The following NAALADL2 variants were observed in gnomAD, a reference collection of about 807,000 sequenced individuals.
NAALADL2 encodes N-acetylated alpha-linked acidic dipeptidase like 2, also known as inactive N-acetylated-alpha-linked acidic dipeptidase-like protein 2.
Under a neutral mutation model 87.2 loss-of-function variants are expected in NAALADL2, and 76 were observed. That is an observed-to-expected ratio of 0.87 (90% confidence interval 0.72 to 1.05). NAALADL2 has a LOEUF of 1.05. Ranked by LOEUF, NAALADL2 falls within the 50% of genes least tolerant of loss-of-function variation. The probability of loss-of-function intolerance (pLI) is 0.00; values close to 1 mark genes in which losing one functional copy is unlikely to be tolerated. For synonymous variants in NAALADL2, 354 were observed against 331.0 expected (o/e 1.07, Z -0.75); for missense variants, 1,089 against 945.8 (o/e 1.15, Z -1.99).
chr3:175,087,105 A>G (rs1719113684), intron 1 of NAALADL2, among the ~76,000 whole-genome samples: 2 of 152,262 alleles, frequency 1.3e-5, no homozygotes, highest in African/African-American at 4.8e-5. Flanking sequence ...ACATAGGTAT[A>G]TTAATGGATG....
intron 5 of NAALADL2, among the ~76,000 whole-genome samples, chr3:175,446,222 C>T (rs1392160223): frequency 7.7e-6 from 1 of 129,508 alleles, no homozygotes; most frequent in African/African-American, 3.0e-5. Context: ...CTGAGGAGTC[C>T]AGGCAATCAT....
At chr3:174,657,345 C>T (rs1213216924) in intron 2 of NAALADL2, among the ~76,000 whole-genome samples, 4 of 151,826 alleles carry the variant, frequency 2.6e-5, no homozygotes, top group Admixed American at 2.6e-4. Flanking sequence ...TTAGTAGAGA[C>T]GGGGCTTCAC....
At chr3:175,098,704 G>A (rs1461257) in intron 2 of NAALADL2, among the ~76,000 whole-genome samples, 58,729 of 151,852 alleles carry the variant, frequency 0.39, 12,200 homozygotes, top group Non-Finnish European at 0.47. Flanking sequence ...CAGAAAAAGG[G>A]AAAGTTGCAG....
chr3:175,567,581 G>C (rs1481026268), intron 9 of NAALADL2, among the ~76,000 whole-genome samples: 1 of 152,098 alleles, frequency 6.6e-6, no homozygotes, highest in Non-Finnish European at 1.5e-5. Flanking sequence ...TAGACTAGAA[G>C]ATTAGCAATT....
intron 2 of NAALADL2, among the ~76,000 whole-genome samples, chr3:174,662,390 C>A (rs1725584928): frequency 6.6e-6 from 1 of 152,088 alleles, no homozygotes; most frequent in Admixed American, 6.6e-5. Context: ...ATAGGGGAAA[C>A]TTTTGAACAA....
chr3:174,535,081 A>G (rs142599491), intron 1 of NAALADL2, among the ~76,000 whole-genome samples: 1 of 152,302 alleles, frequency 6.6e-6, no homozygotes, highest in African/African-American at 2.4e-5. Flanking sequence ...ACCTTCATCA[A>G]TCTGCACACA....
chr3:175,601,683 G>T (rs1722994631), intron 10 of NAALADL2, among the ~76,000 whole-genome samples: 1 of 152,124 alleles, frequency 6.6e-6, no homozygotes, highest in Non-Finnish European at 1.5e-5. Flanking sequence ...AAAATGCCTT[G>T]ACATACACCC....
intron 6 of NAALADL2, among the ~76,000 whole-genome samples, chr3:175,448,798 C>T (rs953990365): frequency 7.9e-5 from 12 of 152,184 alleles, no homozygotes; most frequent in African/African-American, 2.7e-4. Context: ...CAGCCTCAAA[C>T]TCCTAAGCTG....
intron 10 of NAALADL2, among the ~76,000 whole-genome samples, chr3:175,580,882 C>T (rs1382793711): frequency 6.6e-6 from 1 of 151,854 alleles, no homozygotes; most frequent in Non-Finnish European, 1.5e-5. Flanking sequence ...TCAAAAGTAC[C>T]AAAGATTCCT....
chr3:175,619,278 G>GA (rs1725857851), intron 10 of NAALADL2, among the ~76,000 whole-genome samples: 1 of 149,396 alleles, frequency 6.7e-6, no homozygotes, highest in African/African-American at 2.5e-5. Flanking sequence ...GAGAAGGAAA[G>GA]AAAGAAAGAA....
chr3:175,274,610 G>A (rs548787663), intron 4 of NAALADL2, among the ~76,000 whole-genome samples: 1 of 152,234 alleles, frequency 6.6e-6, no homozygotes, highest in Non-Finnish European at 1.5e-5. Context: ...GTGCTCAATG[G>A]CTTGGGCTCT....
At chr3:175,137,893 G>T (rs949111446) in intron 2 of NAALADL2, among the ~76,000 whole-genome samples, 5 of 151,874 alleles carry the variant, frequency 3.3e-5, no homozygotes, top group Non-Finnish European at 5.9e-5. Flanking sequence ...CAAAGTGCTG[G>T]GATTACAGGC....
At chr3:175,492,038 G>A (rs1043503252) in intron 9 of NAALADL2, among the ~76,000 whole-genome samples, 8 of 152,126 alleles carry the variant, frequency 5.3e-5, no homozygotes, top group Non-Finnish European at 1.2e-4. Context: ...GTAAAGCTCT[G>A]TAGCAGTTAC....
intron 1 of NAALADL2, among the ~76,000 whole-genome samples, chr3:174,998,869 TTGTATC>T (rs1253402371): frequency 6.6e-6 from 1 of 152,180 alleles, no homozygotes; most frequent in Non-Finnish European, 1.5e-5. Context: ...TATCATTAAA[TTGTATC>T]TGTATCTGTT....
At chr3:175,029,948 C>T (rs1022500336) in intron 1 of NAALADL2, among the ~76,000 whole-genome samples, 1 of 152,026 alleles carries the variant, frequency 6.6e-6, no homozygotes, top group East Asian at 1.9e-4. Flanking sequence ...TAGAAATTAG[C>T]AGGTCCTCCA....
At chr3:174,481,937 A>G (rs1160425341) in intron 1 of NAALADL2, among the ~76,000 whole-genome samples, 3 of 152,074 alleles carry the variant, frequency 2.0e-5, no homozygotes, top group Non-Finnish European at 4.4e-5. Context: ...TCTTAGAAGG[A>G]AAACGGGTAT....
intron 1 of NAALADL2, among the ~76,000 whole-genome samples, chr3:175,027,677 C>T (rs936516316): frequency 6.6e-6 from 1 of 151,932 alleles, no homozygotes; most frequent in African/African-American, 2.4e-5. Flanking sequence ...TTATCATAGC[C>T]TTAATGTGGT....
At chr3:175,611,568 T>C (rs1296168606) in intron 10 of NAALADL2, among the ~76,000 whole-genome samples, 1 of 152,068 alleles carries the variant, frequency 6.6e-6, no homozygotes, top group Admixed American at 6.5e-5. Flanking sequence ...AAGTGATCCA[T>C]TGTTTGAAAA....
intron 5 of NAALADL2, among the ~76,000 whole-genome samples, chr3:175,354,763 C>T (rs1350630444): frequency 1.3e-5 from 2 of 151,776 alleles, no homozygotes; most frequent in African/African-American, 2.4e-5. Flanking sequence ...AAGTGATCCT[C>T]CTGCCTCAGC....
Sources: allele counts gnomAD v4.1 joint callset (sites outside exome capture counted in the v4.1 genomes callset), GRCh38; gene constraint gnomAD v4.1.1; transcripts MANE v1.5; gene names NCBI Gene and HGNC (gene_info 2026-07-23, HGNC 2026-07-21).